The following INSR variants were observed in gnomAD, a reference collection of about 807,000 sequenced individuals.
The protein encoded by INSR is IR.
Under a neutral mutation model 142.6 loss-of-function variants are expected in INSR, and 67 were observed. The observed-to-expected ratio is 0.47, with a 90% CI of 0.39 to 0.58. The LOEUF (loss-of-function observed/expected upper bound fraction) is 0.58. INSR is among the 20% of genes least tolerant of loss of function. The pLI is 0.00. For missense variants in INSR, 1,248 were observed against 1,833.2 expected (o/e 0.68, Z 5.83); for synonymous variants, 756 against 743.1 (o/e 1.02, Z -0.28).
chr19:7,163,925 TAAAAAAAAAA>T (rs748862314), intron 8 of INSR, among the ~76,000 whole-genome samples: 1 of 44,588 alleles, frequency 2.2e-5, no homozygotes. Context: ...CTATCTCTAC[TAAAAAAAAAA>T]AAAAAAAAAA....
intron 2 of INSR, among the ~76,000 whole-genome samples, chr19:7,232,418 T>A (rs1976007356): frequency 1.3e-5 from 2 of 152,078 alleles, no homozygotes; most frequent in South Asian, 4.1e-4. Flanking sequence ...GGTTTCAAAT[T>A]CCCGACCTCA....
At chr19:7,170,857 A>G in intron 5 of INSR, 106 bp from the exon 6 acceptor site, 1 of 869,738 alleles carries the variant, frequency 1.1e-6, no homozygotes, top group Non-Finnish European at 2.0e-6. Context: ...TACGTGCCTA[A>G]TCCTCTCCAC....
At chr19:7,287,376 G>C (rs1021680548) in intron 1 of INSR, among the ~76,000 whole-genome samples, 1 of 151,562 alleles carries the variant, frequency 6.6e-6, no homozygotes, top group Non-Finnish European at 1.5e-5. Flanking sequence ...GGTCAGGCTG[G>C]TCTCGAACTC....
In INSR at chr19:7,197,516, G is replaced by GTGGGTGTGTGTGTGT. The variant is rs1568480264; in HGVS notation, c.653-12880_653-12879insACACACACACACCCA. Among the ~76,000 whole-genome samples the GTGGGTGTGTGTGTGT allele has an allele frequency of 7.1e-5, 5 of 70,856 alleles. 1 individual carries two copies. Among genetic ancestry groups the GTGGGTGTGTGTGTGT allele is most frequent in the Admixed American group, 4.4e-4 (3 of 6,814 alleles). 46.5% of individuals were successfully genotyped at this position (70,856 alleles called of 152,430 possible). A position where few individuals can be genotyped will look rare whatever the true frequency, so the allele number is the denominator to read the frequency against. On this transcript the variant is annotated intron_variant, in intron 2 of 21. Transcript: ENST00000302850. ...TGGCAGGTTCCAGAGTGGGAGTGGG[G>GTGGGTGTGTGTGTGT]GTGTGTGTGTGTGTGTGTGTGTGTG...
intron 1 of INSR, among the ~76,000 whole-genome samples, chr19:7,271,051 GACTCTGTCTCAA>G (rs1287400273): frequency 6.6e-6 from 1 of 151,400 alleles, no homozygotes; most frequent in Non-Finnish European, 1.5e-5. Flanking sequence ...GATGGAGCAA[GACTCTGTCTCAA>G]AAAAAAAACA....
At position 7,116,851 on chromosome 19, in the gene INSR, C is replaced by G; in HGVS notation, c.*205G>C. The G allele has an allele frequency of 1.8e-6, 1 of 567,666 alleles. No individual in the cohort carries two copies. Among genetic ancestry groups the G allele is most frequent in the Non-Finnish European group, 3.2e-6 (1 of 317,400 alleles). 35.2% of individuals were successfully genotyped at this position (567,666 alleles called of 1,614,324 possible). A position where few individuals can be genotyped will look rare whatever the true frequency, so the allele number is the denominator to read the frequency against. On this transcript the variant is annotated 3_prime_UTR_variant, in exon 22 of 22. Transcript: ENST00000302850. ...GCAACTGTGGAAACCCCTTGCCCTCCAGGTTCACAGTTAAATCCTCTGCAG... is the reference window on the plus strand; with the variant it reads ...GCAACTGTGGAAACCCCTTGCCCTCGAGGTTCACAGTTAAATCCTCTGCAG...
In INSR at chr19:7,184,381, C is replaced by A. The variant is rs9282757; in HGVS notation, c.909G>T (p.Gln303His). The change falls in exon 3 of 22, where the codon CAG becomes CAT. Residue 303 changes from glutamine to histidine, a missense_variant. By Grantham distance (24) the Gln-to-His change is conservative. This residue lies in a region of INSR where 1,069 missense variants were observed against 1,654.0 expected (regional missense o/e 0.65). Transcript: ENST00000302850. ...CKNSRRQGCH[Q>H]YVIHNNKCIP... ...TGCACTTGTTGTTGTGAATGACGTA[C>A]TGGTGGCAGCCCTGCCTCCGCGAGT... The A allele has an allele frequency of 3.1e-6, 5 of 1,614,058 alleles. No individual in the cohort carries two copies. The highest frequency in any genetic ancestry group is 4.2e-6 in the Non-Finnish European group (5 of 1,180,018).
At position 7,291,201 on chromosome 19, in the gene INSR, T is replaced by G. The variant is rs557880684; in HGVS notation, c.100+2591A>C. Among the ~76,000 whole-genome samples the G allele has an allele frequency of 1.1e-4, 16 of 152,194 alleles. 1 individual carries two copies. In the South Asian group the frequency reaches 3.3e-3, roughly 31 times the overall value. ...ATTTTGTTCACCATCACCCCAATCG[T>G]GGGGGGTACGGAGGCTCGGACTCAA... On this transcript the variant is annotated intron_variant, in intron 1 of 21. Transcript: ENST00000302850.
chr19:7,172,878 C>CAAAAA (rs61587971), intron 4 of INSR, among the ~76,000 whole-genome samples: 1 of 143,118 alleles, frequency 7.0e-6, no homozygotes. Flanking sequence ...ACTAAAACTA[C>CAAAAA]AAAAAAAAAA....
In INSR at chr19:7,166,469, A is replaced by T. The variant is rs1973892917; in HGVS notation, c.1611-65T>A. On this transcript the variant is annotated intron_variant, in intron 7 of 21. Coordinates refer to ENST00000302850, the MANE Select transcript of INSR (RefSeq NM_000208.4). This position sits in a 1 kb window ranked among gnomAD's most constrained non-coding sequence, Gnocchi z 4.1. ...GACCGTCACACTGAGTGCCGTGCAG[A>T]TGAGGCCTGGGAAGTTACATCCCAT... 4 of 1,579,766 alleles carry T rather than the reference A, an allele frequency of 2.5e-6. No individual in the cohort carries two copies. The East Asian group carries it at 6.8e-5, about 27-fold the overall frequency.
At position 7,247,294 on chromosome 19, in the gene INSR, C is replaced by T. The variant is rs117879605; in HGVS notation, c.652+20051G>A. ...TTTACTCCACTTAAGCTGCAATGCACTGTTCTCTGTTCCCAGAGAGGAGAA... is the reference window on the plus strand; with the variant it reads ...TTTACTCCACTTAAGCTGCAATGCATTGTTCTCTGTTCCCAGAGAGGAGAA... On this transcript the variant is annotated intron_variant, in intron 2 of 21. Transcript: ENST00000302850. Among the ~76,000 whole-genome samples the T allele has an allele frequency of 1.3e-4, 20 of 152,340 alleles. No homozygotes were observed. In the East Asian group the frequency reaches 3.7e-3, roughly 28 times the overall value.
chr19:7,157,985 A>G (rs1973640190), intron 9 of INSR, among the ~76,000 whole-genome samples: 1 of 151,618 alleles, frequency 6.6e-6, no homozygotes, highest in Non-Finnish European at 1.5e-5. Context: ...GATGGGAGCT[A>G]GTTACAGCAT....
chr19:7,233,773 T>G (rs959314735), intron 2 of INSR, among the ~76,000 whole-genome samples: 5 of 144,666 alleles, frequency 3.5e-5, no homozygotes, highest in African/African-American at 1.3e-4. Flanking sequence ...CCCCCTGGGT[T>G]CACGCCATTC....
intron 2 of INSR, among the ~76,000 whole-genome samples, chr19:7,251,029 G>A (rs1284267383): frequency 6.6e-6 from 1 of 152,030 alleles, no homozygotes; most frequent in Non-Finnish European, 1.5e-5. Context: ...CAGCACTATT[G>A]ACATTTGGGG....
chr19:7,221,760 T>G (rs1355250109), intron 2 of INSR, among the ~76,000 whole-genome samples: 1 of 151,794 alleles, frequency 6.6e-6, no homozygotes, highest in Non-Finnish European at 1.5e-5. Context: ...GCATGGACTC[T>G]GGCATCACAC....
intron 1 of INSR, among the ~76,000 whole-genome samples, chr19:7,269,089 C>T (rs1441875378): frequency 6.7e-6 from 1 of 148,538 alleles, no homozygotes; most frequent in East Asian, 2.0e-4. Flanking sequence ...CACCACAGTC[C>T]TCAGCACCTA....
chr19:7,263,410 A>AT (rs1236182343), intron 2 of INSR, among the ~76,000 whole-genome samples: 7 of 152,164 alleles, frequency 4.6e-5, no homozygotes, highest in African/African-American at 1.7e-4. Context: ...AAAAACAATC[A>AT]TTTTTTGGCC....
chr19:7,292,693 G>A (rs1025666291), intron 1 of INSR, among the ~76,000 whole-genome samples: 2 of 152,082 alleles, frequency 1.3e-5, no homozygotes, highest in African/African-American at 4.8e-5. Context: ...TTTAAAGCAG[G>A]GCCTCAGACC....
rs988892660 is a variant in INSR, at chr19:7,293,905, C to T, written c.-14G>A. 1 of 1,209,762 alleles carries T rather than the reference C, an allele frequency of 8.3e-7. No homozygotes were observed. Among genetic ancestry groups the T allele is most frequent in the East Asian group, 3.7e-5 (1 of 26,914 alleles). The allele number at this position is 1,209,762 out of a possible 1,614,324, so 74.9% of individuals were successfully genotyped here. On this transcript the variant is annotated 5_prime_UTR_variant, in exon 1 of 22. Transcript: ENST00000302850. ...CCCGGTGGCCATGGCTGCGGGAGCG[C>T]GGGGTCTCCTCGGATCAGAGCGCGC...
Sources: allele counts gnomAD v4.1 joint callset (sites outside exome capture counted in the v4.1 genomes callset), GRCh38; gene constraint gnomAD v4.1.1; regional missense constraint gnomAD v4.1.1; non-coding constraint Gnocchi (gnomAD v3.1); transcripts MANE v1.5; gene names NCBI Gene and HGNC (gene_info 2026-07-23, HGNC 2026-07-21).